Variants in CIT observed in about 807,000 individuals in gnomAD.
The protein encoded by CIT is citron rho-interacting serine/threonine kinase.
In CIT, 79 loss-of-function variants were observed where a neutral mutation model predicts 272.7. The observed-to-expected ratio is 0.29, with a 90% CI of 0.24 to 0.35. The LOEUF (loss-of-function observed/expected upper bound fraction) is 0.35. Among genes scored for constraint, CIT ranks in the 10% least tolerant of loss-of-function variants. CIT has a pLI of 1.00. For synonymous variants in CIT, 948 were observed against 995.6 expected, an observed-to-expected ratio of 0.95 and a Z score of 0.90; for missense variants, 1,909 against 2,618.3, an observed-to-expected ratio of 0.73 and a Z score of 5.91.
intron 28 of CIT, among the ~76,000 whole-genome samples, chr12:119,727,922 C>CAA (rs113396996): frequency 0.013 from 1,703 of 128,396 alleles, 34 homozygotes; most frequent in African/African-American, 0.045. Flanking sequence ...AGAGCAAGAC[C>CAA]AAAAAAAAAA....
rs568495372 is a variant in CIT, at chr12:119,712,917, T to C, written c.4580-222A>G. ...ATGAGTAGCACAGTCAAATTTCTGA[T>C]GACGATGCGGATTTATGGGTTAGTT... On this transcript the variant is annotated intron_variant, in intron 35 of 47. Coordinates refer to ENST00000392521, the MANE Select transcript of CIT (RefSeq NM_001206999.2). The surrounding 1 kb of genome is among the most constrained non-coding windows in gnomAD (Gnocchi z 5.2). 3.5e-6 allele frequency: 2 copies of C among 579,694 alleles called. No homozygotes were observed. Among genetic ancestry groups the C allele is most frequent in the South Asian group, 4.2e-5 (2 of 47,292 alleles). 35.9% of individuals were successfully genotyped at this position (579,694 alleles called of 1,614,324 possible).
intron 9 of CIT, among the ~76,000 whole-genome samples, chr12:119,807,890 T>TAA (rs59380143): frequency 2.8e-5 from 4 of 143,996 alleles, no homozygotes; most frequent in African/African-American, 1.0e-4. Flanking sequence ...GAAAAGCCAC[T>TAA]AAAAAAAAAA....
chr12:119,710,763 A>C lies in CIT; in HGVS notation c.4855-143T>G. The C allele has an allele frequency of 1.2e-6, 1 of 804,124 alleles. No homozygotes were observed. The highest frequency in any genetic ancestry group is 2.0e-6 in the Non-Finnish European group (1 of 496,200). 49.8% of individuals were successfully genotyped at this position (804,124 alleles called of 1,614,324 possible). ...AGAAACGCACATATGCTCTTAGCTC[A>C]GCCCGTATTTTGATCTGAGCTCCAA... On this transcript the variant is annotated intron_variant, in intron 37 of 47. Coordinates refer to ENST00000392521, the MANE Select transcript of CIT (RefSeq NM_001206999.2). This position sits in a 1 kb window ranked among gnomAD's most constrained non-coding sequence, Gnocchi z 5.6.
chr12:119,739,541 A>G (rs1250102309), intron 24 of CIT, among the ~76,000 whole-genome samples: 1 of 152,224 alleles, frequency 6.6e-6, no homozygotes, highest in Non-Finnish European at 1.5e-5. Flanking sequence ...TTGAACTTGC[A>G]AAAGTATAAT....
intron 18 of CIT, among the ~76,000 whole-genome samples, chr12:119,767,753 A>G (rs1962616290): frequency 6.6e-6 from 1 of 152,212 alleles, no homozygotes; most frequent in Non-Finnish European, 1.5e-5. Flanking sequence ...TATAATGTTC[A>G]TATGATACAA....
chr12:119,778,647 C>T (rs1217172154), intron 13 of CIT, among the ~76,000 whole-genome samples: 1 of 152,000 alleles, frequency 6.6e-6, no homozygotes, highest in East Asian at 1.9e-4. Context: ...GTGACGCCCC[C>T]CCCCCAGAGC....
chr12:119,752,254 CAGAG>C lies in CIT; in HGVS notation c.2707-11_2707-8del, dbSNP rs147146275. The C allele has an allele frequency of 9.8e-5, 154 of 1,570,132 alleles. No individual in the cohort carries two copies. The highest frequency in any genetic ancestry group is 1.4e-4 in the Admixed American group (8 of 57,854). ...CCTCGTGCTCTAGACTGACCTGAGA[CAGAG>C]AGAGAGAGAGAAAGAGAGATAAACC... On this transcript the variant is annotated splice_region_variant and splice_polypyrimidine_tract_variant and intron_variant, in intron 22 of 47. Coordinates refer to ENST00000392521, the MANE Select transcript of CIT (RefSeq NM_001206999.2).
Position 119,710,767 on chromosome 12 carries a change from C to T in CIT, c.4855-147G>A, listed in dbSNP as rs913059583. 5.1e-6 allele frequency: 4 copies of T among 785,224 alleles called. No individual in the cohort carries two copies. The highest frequency in any genetic ancestry group is 1.7e-5 in the South Asian group (1 of 59,820). 48.6% of individuals were successfully genotyped at this position (785,224 alleles called of 1,614,324 possible). ...ACGCACATATGCTCTTAGCTCAGCC[C>T]GTATTTTGATCTGAGCTCCAAATGC... On this transcript the variant is annotated intron_variant, in intron 37 of 47. Coordinates refer to ENST00000392521, the MANE Select transcript of CIT (RefSeq NM_001206999.2). The surrounding 1 kb of genome is among the most constrained non-coding windows in gnomAD (Gnocchi z 5.6).
chr12:119,796,816 G>A (rs1194697971), intron 10 of CIT, among the ~76,000 whole-genome samples: 1 of 152,224 alleles, frequency 6.6e-6, no homozygotes, highest in Non-Finnish European at 1.5e-5. Context: ...AGTCAGAGAG[G>A]TAGGAGGGAA....
chr12:119,798,678 T>C (rs203340), intron 10 of CIT, among the ~76,000 whole-genome samples: 111,922 of 152,156 alleles, frequency 0.74, 41,658 homozygotes, highest in East Asian at 0.98. Context: ...TAAGCCCAGT[T>C]CCAGCACAAG....
chr12:119,839,596 C>G (rs192479830), intron 5 of CIT, among the ~76,000 whole-genome samples: 2 of 152,044 alleles, frequency 1.3e-5, no homozygotes, highest in Admixed American at 1.3e-4. Context: ...TCAAAGTGAC[C>G]AAGAGAAAAA....
chr12:119,850,371 G>T, intron 4 of CIT, 96 bp from the exon 5 acceptor site: 26 of 274,062 alleles, frequency 9.5e-5, no homozygotes, highest in Non-Finnish European at 1.1e-4. Context: ...GATGTTTCTA[G>T]CTTTAAAAAA....
At chr12:119,866,746 G>A (rs189617159) in intron 3 of CIT, among the ~76,000 whole-genome samples, 1 of 152,312 alleles carries the variant, frequency 6.6e-6, no homozygotes, top group East Asian at 1.9e-4. Flanking sequence ...TTGAGCCCAA[G>A]AGTTGGAGGC....
At chr12:119,798,716 G>A (rs57617020) in intron 10 of CIT, among the ~76,000 whole-genome samples, 4,569 of 152,314 alleles carry the variant, frequency 0.03, 129 homozygotes, top group East Asian at 0.12. Context: ...AAACCAGGAT[G>A]AATAAGACCC....
chr12:119,768,272 G>A lies in CIT; in HGVS notation c.2209-1090C>T, dbSNP rs1195499373. On this transcript the variant is annotated intron_variant, in intron 18 of 47. Transcript: ENST00000392521. This position sits in a 1 kb window ranked among gnomAD's most constrained non-coding sequence, Gnocchi z 4.3. The stretch of plus-strand genomic sequence containing the variant: ...TGAAAATTGCAGTTCATTTGCCAAT[G>A]TTTTATAAACTGACCTTACAAAAGG... Among the ~76,000 whole-genome samples the A allele has an allele frequency of 6.6e-6, 1 of 152,140 alleles. No homozygotes were observed. Among genetic ancestry groups the A allele is most frequent in the East Asian group, 1.9e-4 (1 of 5,202 alleles).
intron 28 of CIT, among the ~76,000 whole-genome samples, chr12:119,724,044 A>G (rs192656902): frequency 9.8e-5 from 15 of 152,288 alleles, no homozygotes; most frequent in Non-Finnish European, 1.9e-4. Context: ...TAATCCTAGC[A>G]CTTTGGGAGG....
At chr12:119,797,965 A>C (rs1593786831) in intron 10 of CIT, among the ~76,000 whole-genome samples, 1 of 152,354 alleles carries the variant, frequency 6.6e-6, no homozygotes, top group South Asian at 2.1e-4. Context: ...CAACTTGTGT[A>C]TGATCAGCCT....
At chr12:119,775,680 G>A in intron 16 of CIT, 106 bp downstream of exon 16, 1 of 811,452 alleles carries the variant, frequency 1.2e-6, no homozygotes, top group Admixed American at 2.3e-5. Context: ...CTCAGCGCTG[G>A]GTGACTAATT....
At chr12:119,782,859 G>A (rs569012686) in intron 12 of CIT, 8 of 459,028 alleles carry the variant, frequency 1.7e-5, no homozygotes, top group East Asian at 7.7e-5. Flanking sequence ...GGATCCAGCC[G>A]GAAACTGCAT....
Sources: gnomAD v4.1 joint callset for allele counts (sites outside exome capture counted in the v4.1 genomes callset) on GRCh38, gnomAD v4.1.1 for gene constraint, Gnocchi (gnomAD v3.1) non-coding constraint, MANE v1.5 for transcripts, NCBI Gene and HGNC (gene_info 2026-07-23, HGNC 2026-07-21) for gene names.